CDH13: variants seen among roughly 807,000 people sequenced by gnomAD.
CDH13 encodes cadherin 13, also known as cadherin-13.
CDH13 carries 24 observed loss-of-function variants against 63.8 expected under a neutral mutation model. The observed-to-expected ratio is 0.38, with a 90% CI of 0.27 to 0.53. The LOEUF is 0.53. Among genes scored for constraint, CDH13 ranks in the 20% least tolerant of loss-of-function variants. The pLI, the probability that CDH13 is intolerant of heterozygous loss-of-function variation, is 0.85. For missense variants in CDH13, 1,049 were observed against 903.1 expected, an observed-to-expected ratio of 1.16 and a Z score of -2.07; for synonymous variants, 503 against 355.3, an observed-to-expected ratio of 1.42 and a Z score of -4.67.
intron 6 of CDH13, among the ~76,000 whole-genome samples, chr16:83,404,052 C>T (rs1459057978): frequency 6.6e-6 from 1 of 152,146 alleles, no homozygotes; most frequent in Middle Eastern, 3.2e-3. Context: ...TTTTCTGAAT[C>T]ATAATCATTG....
chr16:82,982,343 G>C (rs908210041), intron 2 of CDH13, among the ~76,000 whole-genome samples: 1 of 151,868 alleles, frequency 6.6e-6, no homozygotes, highest in African/African-American at 2.4e-5. Context: ...ACTGTATTAG[G>C]TTCCTATTGT....
intron 4 of CDH13, among the ~76,000 whole-genome samples, chr16:83,180,513 A>G (rs2038308965): frequency 6.6e-6 from 1 of 152,226 alleles, no homozygotes; most frequent in South Asian, 2.1e-4. Flanking sequence ...GGTGGTAGCT[A>G]ACTGAAATGA....
intron 2 of CDH13, among the ~76,000 whole-genome samples, chr16:82,937,518 G>C (rs1193339249): frequency 6.6e-6 from 1 of 152,108 alleles, no homozygotes; most frequent in East Asian, 1.9e-4. Flanking sequence ...TATTTTCTCA[G>C]AGATCTATTC....
chr16:83,291,844 A>T (rs1216093732), intron 5 of CDH13, among the ~76,000 whole-genome samples: 1 of 152,192 alleles, frequency 6.6e-6, no homozygotes, highest in Non-Finnish European at 1.5e-5. Context: ...GGTCTCTTAC[A>T]TATTGAAAAA....
rs560901826 is a variant in CDH13 at position 83,005,172 on chromosome 16, G to A, written c.158-26838G>A. ...AGGAGATGAGATTCTATTATTACAA[G>A]AAGACACAATTTCTGCCAGGGCTTT... On this transcript the variant is annotated intron_variant, in intron 2 of 13. Transcript: ENST00000567109. Among the ~76,000 whole-genome samples the A allele has an allele frequency of 5.3e-5, 8 of 152,284 alleles. No homozygotes were observed. The South Asian group carries it at 1.4e-3, about 28-fold the overall frequency.
chr16:82,860,256 G>C (rs1423687621), intron 2 of CDH13, among the ~76,000 whole-genome samples: 1 of 151,998 alleles, frequency 6.6e-6, no homozygotes, highest in African/African-American at 2.4e-5. Context: ...GATTGCTTCT[G>C]TAATCTTCAC....
chr16:83,133,401 G>A (rs990335421), intron 4 of CDH13, among the ~76,000 whole-genome samples: 6 of 151,382 alleles, frequency 4.0e-5, no homozygotes, highest in Admixed American at 6.6e-5. Context: ...TTTTTTTAAC[G>A]TGGCTGCCAG....
chr16:83,315,374 C>G (rs1339131388), intron 5 of CDH13, among the ~76,000 whole-genome samples: 2 of 152,192 alleles, frequency 1.3e-5, no homozygotes, highest in Non-Finnish European at 2.9e-5. Context: ...GGCAAACAAA[C>G]AAATGCTAAA....
At chr16:82,666,166 G>A (rs1414913013) in intron 1 of CDH13, among the ~76,000 whole-genome samples, 3 of 152,116 alleles carry the variant, frequency 2.0e-5, no homozygotes, top group Non-Finnish European at 4.4e-5. Flanking sequence ...TAGCTGCTGG[G>A]GAACCTGTTC....
chr16:83,430,279 G>C (rs1194885676), intron 6 of CDH13, among the ~76,000 whole-genome samples: 3 of 152,122 alleles, frequency 2.0e-5, no homozygotes, highest in Non-Finnish European at 4.4e-5. Context: ...GATCATGTTT[G>C]TTGCATGAAG....
chr16:83,196,548 T>C (rs2038885348), intron 4 of CDH13, among the ~76,000 whole-genome samples: 1 of 152,106 alleles, frequency 6.6e-6, no homozygotes, highest in Admixed American at 6.6e-5. Context: ...TGAAAAAGGA[T>C]TAGTATCTAG....
In CDH13 at chr16:83,234,114, C is replaced by G. The variant is rs147581898; in HGVS notation, c.636+16617C>G. Among the ~76,000 whole-genome samples the G allele has an allele frequency of 1.8e-3, 273 of 152,328 alleles. 3 individuals carry two copies. The highest frequency in any genetic ancestry group is 6.3e-3 in the African/African-American group (261 of 41,574). Reference sequence around the variant, plus strand: ...GGAGAAGTAACTCTGGATGAACCCCCAGGGGCAACCCTAGATTCTTGCTCT... The same window carrying G: ...GGAGAAGTAACTCTGGATGAACCCCGAGGGGCAACCCTAGATTCTTGCTCT... On this transcript the variant is annotated intron_variant, in intron 5 of 13. Transcript: ENST00000567109.
At chr16:83,007,855 C>T (rs1045127879) in intron 2 of CDH13, among the ~76,000 whole-genome samples, 8 of 151,620 alleles carry the variant, frequency 5.3e-5, no homozygotes, top group African/African-American at 1.9e-4. Context: ...AAGAAAAATG[C>T]CTTAAAATTA....
At chr16:83,234,429 A>G (rs2040087936) in intron 5 of CDH13, among the ~76,000 whole-genome samples, 1 of 152,082 alleles carries the variant, frequency 6.6e-6, no homozygotes, top group South Asian at 2.1e-4. Context: ...ACTGGAGAGG[A>G]TAGGTGATTA....
At chr16:82,663,513 T>G (rs982288917) in intron 1 of CDH13, among the ~76,000 whole-genome samples, 1 of 152,178 alleles carries the variant, frequency 6.6e-6, no homozygotes, top group African/African-American at 2.4e-5. Context: ...CAGTCCCCTG[T>G]ATGTCTCCTA....
intron 11 of CDH13, among the ~76,000 whole-genome samples, chr16:83,752,202 T>C (rs1469566730): frequency 6.6e-6 from 1 of 152,228 alleles, no homozygotes; most frequent in Non-Finnish European, 1.5e-5. Context: ...GGATGAAATA[T>C]AGCGTAGCAT....
At chr16:83,504,476 G>A (rs183508923) in intron 7 of CDH13, among the ~76,000 whole-genome samples, 1 of 152,316 alleles carries the variant, frequency 6.6e-6, no homozygotes, top group African/African-American at 2.4e-5. Flanking sequence ...GCTACCACTG[G>A]GACGGGCAAT....
chr16:82,640,185 C>A (rs767000572), intron 1 of CDH13, among the ~76,000 whole-genome samples: 5 of 152,180 alleles, frequency 3.3e-5, no homozygotes, highest in Non-Finnish European at 7.3e-5. Flanking sequence ...TTGTTCTGAG[C>A]TTGTCCACCA....
At chr16:83,415,317 C>T (rs2092184214) in intron 6 of CDH13, among the ~76,000 whole-genome samples, 1 of 152,060 alleles carries the variant, frequency 6.6e-6, no homozygotes, top group South Asian at 2.1e-4. Flanking sequence ...AGCTTAAGAC[C>T]AGATGTTTGG....
Sources: gnomAD v4.1 joint callset for allele counts (sites outside exome capture counted in the v4.1 genomes callset) on GRCh38, gnomAD v4.1.1 for gene constraint, MANE v1.5 for transcripts, NCBI Gene and HGNC (gene_info 2026-07-23, HGNC 2026-07-21) for gene names.